The following GRK4 variants were observed in gnomAD, a reference collection of about 807,000 sequenced individuals.
GRK4 encodes G protein-coupled receptor kinase 4, also known as G protein-coupled receptor kinase 2-like.
Under a neutral mutation model 77.9 loss-of-function variants are expected in GRK4, and 73 were observed. That is an observed-to-expected ratio of 0.94 (90% CI 0.78 to 1.14). The LOEUF (loss-of-function observed/expected upper bound fraction) is 1.14, where lower values mean the gene tolerates loss of function less well. Ranked by LOEUF, GRK4 falls within the 50% of genes most tolerant of loss-of-function variation. The pLI is 0.00. For missense variants in GRK4, 729 were observed against 700.2 expected, an observed-to-expected ratio of 1.04 and a Z score of -0.46; for synonymous variants, 257 against 254.4, an observed-to-expected ratio of 1.01 and a Z score of -0.10.
rs888089261 is a variant in GRK4, at chr4:3,035,603, A to G, written c.1407+80A>G. On this transcript the variant is annotated intron_variant, in intron 13 of 15. Coordinates refer to ENST00000398052, the MANE Select transcript of GRK4 (RefSeq NM_182982.3). ...GGTTTTTCTCTTTCTTTTTTCAAAA[A>G]TAGAGATGGGGGGTCTCACTGTGTT... 2.7e-6 allele frequency: 4 copies of G among 1,462,896 alleles called. No homozygotes were observed. In the East Asian group the frequency reaches 9.2e-5, roughly 33 times the overall value. 90.6% of individuals were successfully genotyped at this position (1,462,896 alleles called of 1,614,324 possible).
chr4:3,033,001 G>A (rs2110070857), intron 12 of GRK4, among the ~76,000 whole-genome samples: 1 of 152,292 alleles, frequency 6.6e-6, no homozygotes, highest in South Asian at 2.1e-4. Flanking sequence ...ATCAACAGCA[G>A]AAGTTTATTT....
At chr4:3,025,534 C>T (rs998494651) in intron 10 of GRK4, among the ~76,000 whole-genome samples, 36 of 151,186 alleles carry the variant, frequency 2.4e-4, no homozygotes, top group African/African-American at 3.4e-4. Flanking sequence ...GGACTACAGG[C>T]GCCCGCCACC....
chr4:3,022,483 T>G, intron 10 of GRK4, 32 bp downstream of exon 10: 1 of 1,596,156 alleles, frequency 6.3e-7, no homozygotes, highest in Non-Finnish European at 8.6e-7. Flanking sequence ...ATCTAATGGG[T>G]AGACTTTGTT....
chr4:2,987,245 GTAGCATA>G (rs1724687075), intron 2 of GRK4: 4 of 408,344 alleles, frequency 9.8e-6, no homozygotes, highest in South Asian at 3.6e-5. Context: ...CTTTTTTTAC[GTAGCATA>G]ATGTTGTCAA....
intron 4 of GRK4, among the ~76,000 whole-genome samples, chr4:3,000,254 A>T (rs1008169829): frequency 1.3e-5 from 2 of 152,154 alleles, no homozygotes; most frequent in Non-Finnish European, 2.9e-5. Flanking sequence ...TCTCTCATGG[A>T]TATTAGAAAC....
intron 5 of GRK4, 51 bp downstream of exon 5, chr4:3,004,385 A>G: frequency 3.5e-6 from 4 of 1,158,220 alleles, no homozygotes; most frequent in Non-Finnish European, 5.2e-6. Flanking sequence ...CTAACCCCAA[A>G]ACAGACAGCT....
chr4:2,968,078 A>G (rs1718328561), intron 1 of GRK4, among the ~76,000 whole-genome samples: 1 of 149,598 alleles, frequency 6.7e-6, no homozygotes, highest in South Asian at 2.1e-4. Flanking sequence ...GGCGTGAGCC[A>G]CTGTGCCCGG....
At chr4:3,029,540 G>A in intron 12 of GRK4, 131 bp downstream of exon 12, 1 of 697,276 alleles carries the variant, frequency 1.4e-6, no homozygotes, top group South Asian at 1.8e-5. Context: ...CCCAGGCCCT[G>A]CCCCTGCCCC....
chr4:3,005,038 G>A (rs1730900178), intron 5 of GRK4, among the ~76,000 whole-genome samples: 1 of 151,892 alleles, frequency 6.6e-6, no homozygotes, highest in Non-Finnish European at 1.5e-5. Context: ...TGCTCTGCTT[G>A]TGTCTAGGAC....
At chr4:3,000,072 T>C (rs767878022) in intron 4 of GRK4, among the ~76,000 whole-genome samples, 7 of 152,188 alleles carry the variant, frequency 4.6e-5, no homozygotes, top group Non-Finnish European at 7.3e-5. Flanking sequence ...CTGCCTAAAA[T>C]TTTAAAAAGC....
intron 2 of GRK4, among the ~76,000 whole-genome samples, chr4:2,986,354 C>CTTTTTTTTTTTTTT (rs36001597): frequency 2.7e-5 from 2 of 73,256 alleles, no homozygotes; most frequent in South Asian, 4.4e-4. Context: ...AAGGTGTTAT[C>CTTTTTTTTTTTTTT]TTTTTTTTTT....
intron 8 of GRK4, 77 bp downstream of exon 8, chr4:3,013,905 C>T: frequency 7.0e-7 from 1 of 1,434,496 alleles, no homozygotes; most frequent in East Asian, 2.4e-5. Flanking sequence ...CCGCTCAGCT[C>T]ACGCTCACTG....
At chr4:3,004,854 T>C (rs1001051235) in intron 5 of GRK4, among the ~76,000 whole-genome samples, 1 of 151,896 alleles carries the variant, frequency 6.6e-6, no homozygotes, top group Non-Finnish European at 1.5e-5. Context: ...GCTCCTGGCG[T>C]CTCAACCCGC....
intron 8 of GRK4, among the ~76,000 whole-genome samples, chr4:3,015,851 A>T (rs1734304900): frequency 6.7e-6 from 1 of 150,028 alleles, no homozygotes; most frequent in Non-Finnish European, 1.5e-5. Context: ...AGGTGGGAGG[A>T]TCACTTGAGC....
rs1201639489 is a variant in GRK4, at chr4:3,001,322, CAT to C, written c.340-2905_340-2904del. 3.1e-5 allele frequency among the ~76,000 whole-genome samples: 4 copies of C among 128,840 alleles called. 1 individual carries two copies. The highest frequency in any genetic ancestry group is 6.4e-5 in the Non-Finnish European group (4 of 62,138). The allele number at this position is 128,840 out of a possible 152,430, so 84.5% of individuals were successfully genotyped here. A position where few individuals can be genotyped will look rare whatever the true frequency, so the allele number is the denominator to read the frequency against. ...ATATGTATATATGTGTGTGTGAGTACATATACACACACACACACACACACACA... is the reference window on the plus strand; with the variant it reads ...ATATGTATATATGTGTGTGTGAGTACATACACACACACACACACACACACA... On this transcript the variant is annotated intron_variant, in intron 4 of 15. Transcript: ENST00000398052.
At chr4:3,013,362 CTT>C (rs551711961) in intron 7 of GRK4, among the ~76,000 whole-genome samples, 281 of 152,106 alleles carry the variant, frequency 1.8e-3, no homozygotes, top group African/African-American at 6.6e-3. Context: ...GAAAAAGAAT[CTT>C]TTCAGTTTTA....
chr4:2,982,750 T>G (rs959735381), intron 1 of GRK4, among the ~76,000 whole-genome samples: 4 of 152,212 alleles, frequency 2.6e-5, no homozygotes, highest in Non-Finnish European at 2.9e-5. Context: ...ATGATAGCCT[T>G]TTTTCAGTGC....
intron 4 of GRK4, among the ~76,000 whole-genome samples, chr4:2,999,300 G>A (rs143260898): frequency 3.3e-4 from 50 of 152,180 alleles, no homozygotes; most frequent in Non-Finnish European, 6.3e-4. Context: ...GGAACCTGCC[G>A]CAATGCCGCA....
At chr4:2,976,784 C>T (rs2109469024) in intron 1 of GRK4, among the ~76,000 whole-genome samples, 1 of 152,190 alleles carries the variant, frequency 6.6e-6, no homozygotes, top group East Asian at 1.9e-4. Flanking sequence ...GGATTGCAGG[C>T]ACATGCCACC....
Sources: allele counts gnomAD v4.1 joint callset (sites outside exome capture counted in the v4.1 genomes callset), GRCh38; gene constraint gnomAD v4.1.1; transcripts MANE v1.5; gene names NCBI Gene and HGNC (gene_info 2026-07-23, HGNC 2026-07-21).